The following NFKBID variants were observed in gnomAD, a reference collection of about 807,000 sequenced individuals.
NFKBID encodes the protein NF-kappa-B inhibitor delta.
A neutral mutation model predicts 53.4 loss-of-function variants in NFKBID; 26 were observed. The ratio of observed to expected loss-of-function variants is 0.49; its 90% CI spans 0.36 to 0.68. NFKBID has a LOEUF of 0.68. NFKBID is among the 30% of genes least tolerant of loss of function. The probability of loss-of-function intolerance (pLI) is 0.00; values close to 1 mark genes in which losing one functional copy is unlikely to be tolerated. For synonymous variants in NFKBID, 262 were observed against 259.8 expected, an observed-to-expected ratio of 1.01 and a Z score of -0.08; for missense variants, 493 against 614.1, an observed-to-expected ratio of 0.80 and a Z score of 2.08.
chr19:35,897,536 G>A (rs1250342851), intron 4 of NFKBID, 115 bp downstream of exon 4: 10 of 710,514 alleles, frequency 1.4e-5, no homozygotes, highest in Middle Eastern at 3.4e-4. Flanking sequence ...GAGCCACCAC[G>A]CCCGGCCTGG....
At chr19:35,893,853 G>GT (rs1974951978) in intron 9 of NFKBID, among the ~76,000 whole-genome samples, 1 of 151,726 alleles carries the variant, frequency 6.6e-6, no homozygotes, top group Admixed American at 6.6e-5. Context: ...AAGTGAGAGA[G>GT]TGGATGGGGC....
rs543659605 is a variant in NFKBID at position 35,889,838 on chromosome 19, C to T, written c.1314+52G>A. ...ATTGGGTGGGGCAGGGAGGTCATCC[C>T]GCGCCCGCGAGCTCAGAGGCCACTC... On this transcript the variant is annotated intron_variant, in intron 11 of 11. Coordinates refer to ENST00000641389, the Ensembl canonical transcript of NFKBID. The T allele has an allele frequency of 7.1e-5, 110 of 1,538,600 alleles. No homozygotes were observed. The East Asian group carries it at 1.2e-3, about 17-fold the overall frequency.
In NFKBID at chr19:35,896,360, C is replaced by T. The variant is rs759354186; in HGVS notation, c.831+32G>A. The T allele has an allele frequency of 7.4e-6, 12 of 1,613,970 alleles. No individual in the cohort carries two copies. In the East Asian group the frequency reaches 1.3e-4, roughly 18 times the overall value. ...AAATCTGGGCAACCAGTCTACCCCCCAGACAAACCCCTGCCTGCCAGCTGG... is the reference window on the plus strand; with the variant it reads ...AAATCTGGGCAACCAGTCTACCCCCTAGACAAACCCCTGCCTGCCAGCTGG... On this transcript the variant is annotated intron_variant, in intron 7 of 11. Coordinates refer to ENST00000641389, the Ensembl canonical transcript of NFKBID. The surrounding 1 kb of genome is among the most constrained non-coding windows in gnomAD (Gnocchi z 5.7).
chr19:35,890,281 C>A, intron 10 of NFKBID, 93 bp downstream of exon 10: 1 of 946,842 alleles, frequency 1.1e-6, no homozygotes, highest in South Asian at 1.4e-5. Context: ...ACACATCGTC[C>A]CCTCCACGTC....
chr19:35,892,329 G>A (rs924121906), intron 9 of NFKBID, among the ~76,000 whole-genome samples: 7 of 152,006 alleles, frequency 4.6e-5, no homozygotes, highest in African/African-American at 1.2e-4. Flanking sequence ...TTGGATTACA[G>A]GCATGAGCCA....
intron 9 of NFKBID, chr19:35,890,814 T>G (rs184465599): frequency 2.7e-4 from 98 of 369,190 alleles, no homozygotes; most frequent in African/African-American, 2.0e-3. Context: ...CAGTGGGCCA[T>G]GACCACACCA....
intron 9 of NFKBID, among the ~76,000 whole-genome samples, chr19:35,895,540 G>A (rs913398715): frequency 2.0e-5 from 3 of 151,958 alleles, no homozygotes; most frequent in Admixed American, 1.3e-4. Flanking sequence ...GGTGGCTCAC[G>A]CCTGTAATCA....
At chr19:35,890,025 C>T (rs113551985) in exon 11 of NFKBID, 62 of 1,606,576 alleles carry the variant, frequency 3.9e-5, no homozygotes, top group Admixed American at 3.5e-4. Context: ...GCAGGGCAGC[C>T]GCCATGTGGA....
exon 4 of NFKBID, chr19:35,897,795 A>G: frequency 6.2e-7 from 1 of 1,600,786 alleles, no homozygotes; most frequent in Non-Finnish European, 8.5e-7. Flanking sequence ...CCCAGTCTGG[A>G]AAGCCCAGGC....
At chr19:35,897,930 C>T in intron 3 of NFKBID, 74 bp from the exon 4 acceptor site, 1 of 1,022,238 alleles carries the variant, frequency 9.8e-7, no homozygotes, top group Non-Finnish European at 1.5e-6. Context: ...GCTAGAGGGC[C>T]TGGCGTCTCC....
intron 9 of NFKBID, among the ~76,000 whole-genome samples, chr19:35,895,466 C>T (rs555603828): frequency 2.6e-5 from 4 of 151,166 alleles, no homozygotes; most frequent in South Asian, 4.2e-4. Context: ...CTAGCCTGGG[C>T]GACAGAGTGA....
In NFKBID at chr19:35,896,627, G is replaced by A. The variant is rs1182974922; in HGVS notation, c.685-89C>T. 9.8e-6 allele frequency: 15 copies of A among 1,528,332 alleles called. No individual in the cohort carries two copies. Among genetic ancestry groups the A allele is most frequent in the Non-Finnish European group, 1.3e-5 (14 of 1,112,150 alleles). 94.7% of individuals were successfully genotyped at this position (1,528,332 alleles called of 1,614,324 possible). On this transcript the variant is annotated intron_variant, in intron 6 of 11. Transcript: ENST00000641389. This position sits in a 1 kb window ranked among gnomAD's most constrained non-coding sequence, Gnocchi z 5.7. ...CAGCCCCATCCCCCCTCAGCCCCAG[G>A]AGCTCACCCCCCATTCCCCTCTTCT...
intron 11 of NFKBID, 82 bp from the exon 12 acceptor site, chr19:35,888,694 C>A: frequency 9.5e-7 from 1 of 1,049,312 alleles, no homozygotes; most frequent in Admixed American, 2.0e-5. Context: ...GAGGGAGGGG[C>A]TAGAGAAGAG....
chr19:35,900,757 C>T (rs868717369), upstream of NFKBID: 18 of 644,276 alleles, frequency 2.8e-5, no homozygotes, highest in Middle Eastern at 4.9e-4. Context: ...CCTAGGGCAC[C>T]GGGCTCCAAG....
In NFKBID at chr19:35,896,351, T is replaced by C. The variant is rs549104624; in HGVS notation, c.831+41A>G. ...TGGAAGCCAAAATCTGGGCAACCAG[T>C]CTACCCCCCAGACAAACCCCTGCCT... is the stretch of plus-strand genomic sequence containing the variant. On this transcript the variant is annotated intron_variant, in intron 7 of 11. Transcript: ENST00000641389. This position sits in a 1 kb window ranked among gnomAD's most constrained non-coding sequence, Gnocchi z 5.7. The C allele has an allele frequency of 1.9e-5, 31 of 1,613,984 alleles. No homozygotes were observed. The South Asian group carries it at 2.4e-4, about 13-fold the overall frequency.
At position 35,900,557 on chromosome 19, in the gene NFKBID, C is replaced by A. The variant is rs1975505839; in HGVS notation, c.-55G>T. 5 of 1,231,586 alleles carry A rather than the reference C, an allele frequency of 4.1e-6. No homozygotes were observed. In the African/African-American group the frequency reaches 7.7e-5, roughly 19 times the overall value. The allele number at this position is 1,231,586 out of a possible 1,614,324, so 76.3% of individuals were successfully genotyped here. ...CGGGTCCCCGATCTTGGGTCCGGTA[C>A]CCGCGAGTTTTTAAACTAGGGGTTA... On this transcript the variant is annotated 5_prime_UTR_variant, in exon 1 of 12. Coordinates refer to ENST00000641389, the Ensembl canonical transcript of NFKBID.
At chr19:35,889,486 G>A (rs1974601609) in intron 11 of NFKBID, among the ~76,000 whole-genome samples, 1 of 152,102 alleles carries the variant, frequency 6.6e-6, no homozygotes, top group South Asian at 2.1e-4. Flanking sequence ...CTGGCTGGGG[G>A]TTCCCACCTG....
At chr19:35,890,084 A>T (rs1415603820) in intron 10 of NFKBID, 30 bp from the exon 11 acceptor site, 1 of 1,577,544 alleles carries the variant, frequency 6.3e-7, no homozygotes, top group Non-Finnish European at 8.6e-7. Flanking sequence ...GCTGGTGGGG[A>T]TCTGGGCTCA....
intron 9 of NFKBID, among the ~76,000 whole-genome samples, chr19:35,891,576 T>A (rs76269758): frequency 2.0e-5 from 3 of 152,082 alleles, no homozygotes; most frequent in African/African-American, 7.2e-5. Context: ...GTTTAAAAAG[T>A]TCTTTTTTTT....
Sources: gnomAD v4.1 joint callset for allele counts (sites outside exome capture counted in the v4.1 genomes callset) on GRCh38, gnomAD v4.1.1 for gene constraint, Gnocchi (gnomAD v3.1) non-coding constraint, MANE v1.5 for transcripts, NCBI Gene and HGNC (gene_info 2026-07-23, HGNC 2026-07-21) for gene names.